Variants in NFAT5 observed in about 807,000 individuals in gnomAD.
The protein encoded by NFAT5 is nuclear factor of activated T cells 5.
Under a neutral mutation model 166.5 loss-of-function variants are expected in NFAT5, and 31 were observed. The observed-to-expected ratio is 0.19, with a 90% CI of 0.14 to 0.25. The LOEUF is 0.25. Among genes scored for constraint, NFAT5 ranks in the 10% least tolerant of loss-of-function variants. The probability of loss-of-function intolerance (pLI) is 1.00; values close to 1 mark genes in which losing one functional copy is unlikely to be tolerated. For missense variants in NFAT5, 1,449 were observed against 1,821.8 expected (o/e 0.80, Z 3.72); for synonymous variants, 612 against 639.7 (o/e 0.96, Z 0.65).
At chr16:69,671,312 A>G (rs1434347309) in intron 9 of NFAT5, among the ~76,000 whole-genome samples, 1 of 152,098 alleles carries the variant, frequency 6.6e-6, no homozygotes, top group African/African-American at 2.4e-5. Context: ...AGAAAAATTC[A>G]CAGAACTCTG....
chr16:69,678,277 C>T (rs148996645), intron 10 of NFAT5, among the ~76,000 whole-genome samples: 10,426 of 151,280 alleles, frequency 0.069, 437 homozygotes, highest in African/African-American at 0.099. Context: ...TGCAATGGCG[C>T]GATCTTGGCT....
At position 69,693,519 on chromosome 16, in the gene NFAT5, G is replaced by A; in HGVS notation, c.3694G>A (p.Ala1232Thr). 2.5e-6 allele frequency: 4 copies of A among 1,614,062 alleles called. No homozygotes were observed. Among genetic ancestry groups the A allele is most frequent in the Admixed American group, 1.7e-5 (1 of 60,000 alleles). The change falls in exon 13 of 15, where the codon GCC (alanine) becomes ACC (threonine). Residue 1232 changes from alanine to threonine, a missense_variant. Physicochemically the swap from Ala to Thr is moderately conservative, Grantham distance 58. This residue lies in a region of NFAT5 where 891 missense variants were observed against 993.0 expected (regional missense o/e 0.90). Transcript: ENST00000349945. ...GCAGGGTTTATTTCAGCCTCAGGTG[G>A]CCCTGGGCTCCCTTCCACCTAATCC... ...PQQGLFQPQV[A>T]LGSLPPNPMP...
At position 69,692,008 on chromosome 16, in the gene NFAT5, A is replaced by G. The variant is rs146988718; in HGVS notation, c.2183A>G (p.Gln728Arg). ...NSDALLQQAT[Q>R]FQTRETQSRE... ...GATGCACTATTGCAGCAGGCTACAC[A>G]GTTTCAGACAAGAGAAACTCAGTCT... The change falls in exon 13 of 15, where the codon CAG (glutamine) becomes CGG (arginine). Residue 728 changes from glutamine to arginine, a missense_variant. Gln to Arg is a conservative substitution (Grantham distance 43). Transcript: ENST00000349945. 18 of 1,614,094 alleles carry G rather than the reference A, an allele frequency of 1.1e-5. No individual in the cohort carries two copies. The highest frequency in any genetic ancestry group is 5.0e-5 in the Admixed American group (3 of 60,012).
At chr16:69,573,196 T>C (rs1213320349) in intron 2 of NFAT5, among the ~76,000 whole-genome samples, 1 of 152,212 alleles carries the variant, frequency 6.6e-6, no homozygotes, top group African/African-American at 2.4e-5. Context: ...AAAGAAAATG[T>C]GAAATATGAC....
At chr16:69,666,656 A>C (rs1270202480) in intron 7 of NFAT5, among the ~76,000 whole-genome samples, 1 of 152,126 alleles carries the variant, frequency 6.6e-6, no homozygotes, top group East Asian at 1.9e-4. Flanking sequence ...GGCAATCATT[A>C]AAAAGTCAGG....
intron 2 of NFAT5, among the ~76,000 whole-genome samples, chr16:69,622,559 A>G (rs1217112573): frequency 6.6e-6 from 1 of 152,192 alleles, no homozygotes; most frequent in Non-Finnish European, 1.5e-5. Context: ...TAACATTACT[A>G]TCATACCTCT....
chr16:69,694,316 T>C, intron 13 of NFAT5, 77 bp downstream of exon 13: 1 of 1,132,078 alleles, frequency 8.8e-7, no homozygotes, highest in South Asian at 1.6e-5. Flanking sequence ...TGGTGCGATC[T>C]CAGCTCACTG....
chr16:69,569,697 G>T (rs1443745924), intron 2 of NFAT5, among the ~76,000 whole-genome samples: 2 of 152,074 alleles, frequency 1.3e-5, no homozygotes, highest in South Asian at 2.1e-4. Flanking sequence ...CTAGCATAGC[G>T]TCTAGCTTAA....
intron 2 of NFAT5, among the ~76,000 whole-genome samples, chr16:69,588,424 A>G (rs151308752): frequency 3.0e-4 from 45 of 152,326 alleles, no homozygotes; most frequent in African/African-American, 9.6e-4. Context: ...TGGGGTGCCA[A>G]GCTTCAAAAG....
intron 2 of NFAT5, among the ~76,000 whole-genome samples, chr16:69,574,324 G>T (rs1317556343): frequency 6.6e-6 from 1 of 152,144 alleles, no homozygotes; most frequent in African/African-American, 2.4e-5. Flanking sequence ...CAATAGAAAT[G>T]TTGCTTATTA....
At chr16:69,603,291 A>G (rs1433600628) in intron 2 of NFAT5, among the ~76,000 whole-genome samples, 1 of 152,188 alleles carries the variant, frequency 6.6e-6, no homozygotes, top group Non-Finnish European at 1.5e-5. Context: ...TTTATAACCT[A>G]AAGTGTGCAA....
At chr16:69,623,611 G>A (rs1339656011) in intron 2 of NFAT5, among the ~76,000 whole-genome samples, 5 of 151,376 alleles carry the variant, frequency 3.3e-5, no homozygotes, top group African/African-American at 7.3e-5. Flanking sequence ...AGGTTTAAGC[G>A]GTTCTCCTGC....
At chr16:69,678,835 C>T (rs1253006801) in intron 10 of NFAT5, among the ~76,000 whole-genome samples, 1 of 152,152 alleles carries the variant, frequency 6.6e-6, no homozygotes, top group South Asian at 2.1e-4. Context: ...AGAAAGAAAG[C>T]CCTGGCATCA....
rs988968697 is a variant in NFAT5, at chr16:69,566,089, G to C, written c.-213G>C. 2.1e-6 allele frequency: 1 copy of C among 481,932 alleles called. No individual in the cohort carries two copies. Among genetic ancestry groups the C allele is most frequent in the African/African-American group, 2.1e-5 (1 of 46,556 alleles). The allele number at this position is 481,932 out of a possible 1,614,324, so 29.9% of individuals were successfully genotyped here. ...GTCCTGAACCCCTCTCCTGGTCACC[G>C]AGAATCAGTCCCCGTGGAGTTCCCC... On this transcript the variant is annotated 5_prime_UTR_variant, in exon 1 of 15. Transcript: ENST00000349945. This position sits in a 1 kb window ranked among gnomAD's most constrained non-coding sequence, Gnocchi z 5.7.
At chr16:69,604,514 C>T (rs1251042491) in intron 2 of NFAT5, among the ~76,000 whole-genome samples, 1 of 152,222 alleles carries the variant, frequency 6.6e-6, no homozygotes, top group Non-Finnish European at 1.5e-5. Context: ...CTCCCTCCTA[C>T]CCTTGACCTC....
In NFAT5 at chr16:69,623,770, G is replaced by A. The variant is rs141817962; in HGVS notation, c.128-2633G>A. Reference sequence around the variant, plus strand: ...AATCTGCCTGCCTCGGCCTCCCAAGGTGCTGGGATTACAGGCATGAGCCAC... The same window carrying A: ...AATCTGCCTGCCTCGGCCTCCCAAGATGCTGGGATTACAGGCATGAGCCAC... On this transcript the variant is annotated intron_variant, in intron 2 of 14. Transcript: ENST00000349945. 6.7e-3 allele frequency among the ~76,000 whole-genome samples: 1,005 copies of A among 150,120 alleles called. 16 individuals carry two copies. The highest frequency in any genetic ancestry group is 0.024 in the African/African-American group (965 of 40,756).
chr16:69,655,561 T>G (rs1195237655), intron 5 of NFAT5, 48 bp from the exon 6 acceptor site: 1 of 1,348,716 alleles, frequency 7.4e-7, no homozygotes, highest in Non-Finnish European at 9.9e-7. Flanking sequence ...ATAATTAGAT[T>G]ATTTGAAATA....
intron 9 of NFAT5, among the ~76,000 whole-genome samples, chr16:69,672,613 C>G (rs2036668864): frequency 6.6e-6 from 1 of 152,068 alleles, no homozygotes; most frequent in South Asian, 2.1e-4. Flanking sequence ...TTTTATTCAC[C>G]TTGAAGAAAA....
chr16:69,669,564 T>C (rs1471729641), intron 7 of NFAT5, among the ~76,000 whole-genome samples: 2 of 152,016 alleles, frequency 1.3e-5, no homozygotes, highest in East Asian at 1.9e-4. Context: ...AGATTTTAGA[T>C]TTTTGGATTA....
Sources: gnomAD v4.1 joint callset for allele counts (sites outside exome capture counted in the v4.1 genomes callset) on GRCh38, gnomAD v4.1.1 for gene constraint, gnomAD v4.1.1 regional missense constraint, Gnocchi (gnomAD v3.1) non-coding constraint, MANE v1.5 for transcripts, NCBI Gene and HGNC (gene_info 2026-07-23, HGNC 2026-07-21) for gene names.